Variants in RAP1GAP2 observed in about 807,000 individuals in gnomAD.
RAP1GAP2 encodes the protein rap1 GTPase-activating protein 2.
A neutral mutation model predicts 95.0 loss-of-function variants in RAP1GAP2; 27 were observed. The observed-to-expected ratio is 0.28, with a 90% CI of 0.21 to 0.39. The LOEUF is 0.39. RAP1GAP2 is among the 10% of genes least tolerant of loss of function. The pLI is 1.00. For synonymous variants in RAP1GAP2, 373 were observed against 380.9 expected, an observed-to-expected ratio of 0.98 and a Z score of 0.24; for missense variants, 771 against 970.0, an observed-to-expected ratio of 0.79 and a Z score of 2.72.
At chr17:2,997,841 T>A (rs1428160457) in intron 13 of RAP1GAP2, among the ~76,000 whole-genome samples, 7 of 149,418 alleles carry the variant, frequency 4.7e-5, no homozygotes, top group African/African-American at 1.7e-4. Context: ...GAGAATCACT[T>A]GAACCCAGGA....
rs1431357851 is a variant in RAP1GAP2 at position 2,906,886 on chromosome 17, C to T, written c.165+1518C>T. 6.6e-6 allele frequency among the ~76,000 whole-genome samples: 1 copy of T among 152,094 alleles called. No individual in the cohort carries two copies. Among genetic ancestry groups the T allele is most frequent in the African/African-American group, 2.4e-5 (1 of 41,404 alleles). On this transcript the variant is annotated intron_variant, in intron 3 of 24. Coordinates refer to ENST00000254695, the MANE Select transcript of RAP1GAP2 (RefSeq NM_015085.5). The surrounding 1 kb of genome is among the most constrained non-coding windows in gnomAD (Gnocchi z 4.3). The stretch of plus-strand genomic sequence containing the variant: ...GACTCTTGGTTGTAAGTGACAGAAA[C>T]ATAACTCACTCTGGCTTAGTCATAA...
intron 2 of RAP1GAP2, among the ~76,000 whole-genome samples, chr17:2,897,617 C>A (rs1365652650): frequency 2.6e-5 from 4 of 152,050 alleles, no homozygotes; most frequent in African/African-American, 9.7e-5. Flanking sequence ...ACCTCAGCCT[C>A]CCAAGGTGCT....
chr17:2,869,744 T>G (rs1459105266), intron 2 of RAP1GAP2, among the ~76,000 whole-genome samples: 1 of 152,234 alleles, frequency 6.6e-6, no homozygotes, highest in African/African-American at 2.4e-5. Flanking sequence ...CGGGCAGCGC[T>G]GGGCCACCTT....
At chr17:2,781,575 G>C (rs35949623) in intron 1 of RAP1GAP2, among the ~76,000 whole-genome samples, 5,554 of 109,266 alleles carry the variant, frequency 0.051, 93 homozygotes, top group Middle Eastern at 0.069. Context: ...TGTGTGTGCA[G>C]GTCTCTGTGT....
chr17:2,774,556 T>C (rs991009154), upstream of RAP1GAP2, among the ~76,000 whole-genome samples: 21 of 147,706 alleles, frequency 1.4e-4, no homozygotes, highest in African/African-American at 3.8e-4. Flanking sequence ...ATCTGCAATG[T>C]CCGACTCCCG....
At chr17:2,835,143 C>T (rs1055758341) in intron 2 of RAP1GAP2, among the ~76,000 whole-genome samples, 6 of 151,574 alleles carry the variant, frequency 4.0e-5, no homozygotes, top group African/African-American at 7.3e-5. Context: ...AGGATGGTCT[C>T]GATCTCCTGA....
In RAP1GAP2 at chr17:3,001,793, C is replaced by T. The variant is rs116275011; in HGVS notation, c.1200+3417C>T. On this transcript the variant is annotated intron_variant, in intron 14 of 24. Coordinates refer to ENST00000254695, the MANE Select transcript of RAP1GAP2 (RefSeq NM_015085.5). ...CTGGCAGAACGAGGCCTCCTGTAGA[C>T]GTTTAGCATTTGCTTCTCTTTCCCA... 6.5e-3 allele frequency among the ~76,000 whole-genome samples: 983 copies of T among 152,344 alleles called. 13 individuals carry two copies. Among genetic ancestry groups the T allele is most frequent in the African/African-American group, 0.022 (897 of 41,578 alleles).
chr17:2,802,575 G>T (rs1250166164), intron 2 of RAP1GAP2, among the ~76,000 whole-genome samples: 5 of 152,170 alleles, frequency 3.3e-5, no homozygotes, highest in African/African-American at 4.8e-5. Context: ...GCTGGGCGCG[G>T]TGGCGGGCAC....
chr17:2,925,720 G>C (rs2042934458), intron 3 of RAP1GAP2, among the ~76,000 whole-genome samples: 1 of 152,196 alleles, frequency 6.6e-6, no homozygotes, highest in Non-Finnish European at 1.5e-5. Flanking sequence ...CTCAGAGTGA[G>C]TCCTTCAAAC....
intron 1 of RAP1GAP2, among the ~76,000 whole-genome samples, chr17:2,766,982 GT>G (rs1011637458): frequency 2.0e-4 from 29 of 146,456 alleles, no homozygotes; most frequent in South Asian, 8.6e-4. Context: ...CAGCTGCACA[GT>G]TTTTTTTTTT....
chr17:2,797,062 T>A lies in RAP1GAP2; in HGVS notation c.44+491T>A, dbSNP rs1305966154. 6.6e-6 allele frequency among the ~76,000 whole-genome samples: 1 copy of A among 152,098 alleles called. No individual in the cohort carries two copies. Among genetic ancestry groups the A allele is most frequent in the African/African-American group, 2.4e-5 (1 of 41,408 alleles). ...CCTTCTGTGTCTGTGTGTGCTTGTGTCTGCGTGTTTGTGTGTGTGATGCTC... is the reference window on the plus strand; with the variant it reads ...CCTTCTGTGTCTGTGTGTGCTTGTGACTGCGTGTTTGTGTGTGTGATGCTC... On this transcript the variant is annotated intron_variant, in intron 1 of 24. Coordinates refer to ENST00000254695, the MANE Select transcript of RAP1GAP2 (RefSeq NM_015085.5). This position sits in a 1 kb window ranked among gnomAD's most constrained non-coding sequence, Gnocchi z 5.6.
chr17:3,017,481 C>T (rs1221984315), intron 17 of RAP1GAP2, among the ~76,000 whole-genome samples: 1 of 152,230 alleles, frequency 6.6e-6, no homozygotes, highest in African/African-American at 2.4e-5. Flanking sequence ...GACCCTCACA[C>T]ACTTGCACCC....
intron 11 of RAP1GAP2, 34 bp downstream of exon 11, chr17:2,985,100 C>T (rs992112670): frequency 1.9e-6 from 3 of 1,611,684 alleles, no homozygotes; most frequent in African/African-American, 2.7e-5. Context: ...TGACTGTATC[C>T]CGTGGTTTCT....
intron 2 of RAP1GAP2, among the ~76,000 whole-genome samples, chr17:2,824,955 T>C (rs1248155931): frequency 2.0e-5 from 3 of 151,984 alleles, no homozygotes; most frequent in African/African-American, 4.8e-5. Flanking sequence ...CACCACTTCC[T>C]CTTTTAGGAG....
Position 2,839,315 on chromosome 17 carries a change from T to TA in RAP1GAP2, c.80+38776dup, listed in dbSNP as rs558091869. On this transcript the variant is annotated intron_variant, in intron 2 of 24. Coordinates refer to ENST00000254695, the MANE Select transcript of RAP1GAP2 (RefSeq NM_015085.5). ...ACACAGTGAGACTCTGTCTTAATAA[T>TA]AAAAAAAAAAAGAATAAAAAATAAA... Among the ~76,000 whole-genome samples the TA allele has an allele frequency of 1.4e-3, 199 of 144,860 alleles. 1 individual carries two copies. The highest frequency in any genetic ancestry group is 4.5e-3 in the African/African-American group (177 of 39,514).
intron 2 of RAP1GAP2, among the ~76,000 whole-genome samples, chr17:2,805,503 G>A (rs2069476748): frequency 1.3e-5 from 2 of 152,022 alleles, no homozygotes; most frequent in African/African-American, 4.8e-5. Flanking sequence ...TTACAGGTGT[G>A]CACCACCACG....
At chr17:3,014,928 T>A (rs1201174431) in intron 17 of RAP1GAP2, among the ~76,000 whole-genome samples, 1 of 152,144 alleles carries the variant, frequency 6.6e-6, no homozygotes, top group Non-Finnish European at 1.5e-5. Flanking sequence ...GTGGCTCACT[T>A]TGGGAGGCCA....
intron 13 of RAP1GAP2, among the ~76,000 whole-genome samples, 185 bp downstream of exon 13, chr17:2,995,651 T>C (rs1199408451): frequency 6.6e-6 from 1 of 152,188 alleles, no homozygotes; most frequent in Admixed American, 6.5e-5. Context: ...GCCTCAGCGG[T>C]CCGTTCTGTT....
At chr17:2,919,310 G>A (rs867398674) in intron 3 of RAP1GAP2, among the ~76,000 whole-genome samples, 1 of 152,150 alleles carries the variant, frequency 6.6e-6, no homozygotes, top group Non-Finnish European at 1.5e-5. Context: ...ACCCAAACAG[G>A]GGTCTCCAGG....
Sources: gnomAD v4.1 joint callset for allele counts (sites outside exome capture counted in the v4.1 genomes callset) on GRCh38, gnomAD v4.1.1 for gene constraint, Gnocchi (gnomAD v3.1) non-coding constraint, MANE v1.5 for transcripts, NCBI Gene and HGNC (gene_info 2026-07-23, HGNC 2026-07-21) for gene names.